Variants in PPP1R12B observed in about 807,000 individuals in gnomAD.
PPP1R12B encodes protein phosphatase 1 regulatory subunit 12B.
Under a neutral mutation model 126.1 loss-of-function variants are expected in PPP1R12B, and 76 were observed. That is an observed-to-expected ratio of 0.60 (90% CI 0.50 to 0.73). PPP1R12B has a LOEUF of 0.73. Ranked by LOEUF, PPP1R12B falls within the 30% of genes least tolerant of loss-of-function variation. PPP1R12B has a pLI of 0.00. For synonymous variants in PPP1R12B, 356 were observed against 434.7 expected (o/e 0.82, Z 2.25); for missense variants, 1,052 against 1,205.1 (o/e 0.87, Z 1.88).
rs1690055438 is a variant in PPP1R12B, at chr1:202,590,274, A to ACCCCG, written c.*9723_*9727dup. 1 of 117,906 alleles carries ACCCCG rather than the reference A, an allele frequency of 8.5e-6. No homozygotes were observed. Among genetic ancestry groups the ACCCCG allele is most frequent in the African/African-American group, 3.2e-5 (1 of 30,854 alleles). 7.3% of individuals were successfully genotyped at this position (117,906 alleles called of 1,614,324 possible). ...ATTCAAGAATATAGTCCCCACCACC[A>ACCCCG]CCCCGCCCCGCCCAGCCTCCCAGAC... is the stretch of plus-strand genomic sequence containing the variant. On this transcript the variant is annotated 3_prime_UTR_variant, in exon 24 of 24. Coordinates refer to ENST00000608999, the MANE Select transcript of PPP1R12B (RefSeq NM_002481.4).
Position 202,451,047 on chromosome 1 carries a change from T to C in PPP1R12B, c.1850+1876T>C, listed in dbSNP as rs554872292. ...TTTAATTTCTTACACCAGTGTTTTATAGTTTTCATTGTAAAGATCTTTTAG... is the reference window on the plus strand; with the variant it reads ...TTTAATTTCTTACACCAGTGTTTTACAGTTTTCATTGTAAAGATCTTTTAG... On this transcript the variant is annotated intron_variant, in intron 13 of 23. Coordinates refer to ENST00000608999, the MANE Select transcript of PPP1R12B (RefSeq NM_002481.4). 3.9e-5 allele frequency among the ~76,000 whole-genome samples: 6 copies of C among 152,234 alleles called. No individual in the cohort carries two copies. In the South Asian group the frequency reaches 8.3e-4, roughly 21 times the overall value.
chr1:202,548,226 T>A (rs1253729305), intron 18 of PPP1R12B, among the ~76,000 whole-genome samples: 1 of 152,208 alleles, frequency 6.6e-6, no homozygotes, highest in Non-Finnish European at 1.5e-5. Context: ...CCTAGATTAT[T>A]ACCAGTATCC....
At chr1:202,371,866 T>C (rs1165828882) in intron 1 of PPP1R12B, among the ~76,000 whole-genome samples, 5 of 143,492 alleles carry the variant, frequency 3.5e-5, no homozygotes, top group Non-Finnish European at 7.6e-5. Context: ...TTCTTTTTTT[T>C]TTTTTTTTTT....
chr1:202,480,170 G>A (rs1677167643), intron 13 of PPP1R12B, among the ~76,000 whole-genome samples: 1 of 152,118 alleles, frequency 6.6e-6, no homozygotes, highest in South Asian at 2.1e-4. Context: ...TTTCACCAGA[G>A]AACTGCAGTC....
intron 1 of PPP1R12B, among the ~76,000 whole-genome samples, chr1:202,414,540 G>A (rs1231921627): frequency 6.6e-6 from 1 of 152,026 alleles, no homozygotes; most frequent in Non-Finnish European, 1.5e-5. Flanking sequence ...GTGAATACTG[G>A]GATGCTGTCA....
Position 202,580,850 on chromosome 1 carries a change from ACC to A in PPP1R12B, c.*293_*294del. The stretch of plus-strand genomic sequence containing the variant: ...GGGAGTACACCAGGCTCAGCTGTGG[ACC>A]CCTCAACTTCCTGCTGCTCAGCTAC... On this transcript the variant is annotated 3_prime_UTR_variant, in exon 24 of 24. Coordinates refer to ENST00000608999, the MANE Select transcript of PPP1R12B (RefSeq NM_002481.4). 3.0e-6 allele frequency: 1 copy of A among 334,452 alleles called. No individual in the cohort carries two copies. The highest frequency in any genetic ancestry group is 5.8e-6 in the Non-Finnish European group (1 of 173,522). The allele number at this position is 334,452 out of a possible 1,614,324, so 20.7% of individuals were successfully genotyped here. A position where few individuals can be genotyped will look rare whatever the true frequency, so the allele number is the denominator to read the frequency against.
chr1:202,429,615 T>G (rs1327947326), intron 6 of PPP1R12B, among the ~76,000 whole-genome samples: 4 of 152,196 alleles, frequency 2.6e-5, no homozygotes, highest in African/African-American at 4.8e-5. Context: ...GAAGAGTGAA[T>G]AAGCCATATT....
chr1:202,551,868 T>C (rs1443379508), intron 18 of PPP1R12B, among the ~76,000 whole-genome samples: 4 of 152,182 alleles, frequency 2.6e-5, no homozygotes, highest in East Asian at 3.9e-4. Flanking sequence ...AAGCAGCCAC[T>C]ACCCTGCAAG....
At chr1:202,541,066 C>T (rs1685075098) in intron 18 of PPP1R12B, among the ~76,000 whole-genome samples, 2 of 152,146 alleles carry the variant, frequency 1.3e-5, no homozygotes, top group African/African-American at 2.4e-5. Flanking sequence ...GGATGAGAAG[C>T]TCTGATGGGC....
At chr1:202,380,476 C>T (rs1451385393) in intron 1 of PPP1R12B, among the ~76,000 whole-genome samples, 1 of 152,136 alleles carries the variant, frequency 6.6e-6, no homozygotes, top group Non-Finnish European at 1.5e-5. Context: ...GAAACAATTT[C>T]TGTGAACATG....
chr1:202,574,614 A>G (rs1439678323), intron 23 of PPP1R12B, among the ~76,000 whole-genome samples: 1 of 152,224 alleles, frequency 6.6e-6, no homozygotes, highest in African/African-American at 2.4e-5. Context: ...CCTCAGCTCT[A>G]ATCTCAGTCA....
chr1:202,364,727 C>A (rs1017774795), intron 1 of PPP1R12B, among the ~76,000 whole-genome samples: 9 of 152,246 alleles, frequency 5.9e-5, no homozygotes, highest in African/African-American at 1.9e-4. Flanking sequence ...CAGGCGCCCG[C>A]CACCATGCTC....
intron 1 of PPP1R12B, among the ~76,000 whole-genome samples, chr1:202,399,685 A>G (rs913239997): frequency 1.3e-4 from 19 of 151,812 alleles, no homozygotes; most frequent in African/African-American, 2.7e-4. Flanking sequence ...TTTAGTAGAG[A>G]TGGGGTTTCA....
At chr1:202,570,453 A>C (rs1688483766) in intron 23 of PPP1R12B, among the ~76,000 whole-genome samples, 1 of 152,196 alleles carries the variant, frequency 6.6e-6, no homozygotes, top group Non-Finnish European at 1.5e-5. Flanking sequence ...CAAGGCTGTA[A>C]CTGTAACATT....
At chr1:202,533,128 C>G (rs1175621699) in intron 18 of PPP1R12B, among the ~76,000 whole-genome samples, 1 of 152,158 alleles carries the variant, frequency 6.6e-6, no homozygotes, top group African/African-American at 2.4e-5. Flanking sequence ...CTCAGCCTCC[C>G]AAAGTGCTGG....
rs1252096907 is a variant in PPP1R12B at position 202,439,000 on chromosome 1, G to A, written c.1458+976G>A. The A allele has an allele frequency of 2.7e-6, 4 of 1,462,800 alleles. No homozygotes were observed. In the Admixed American group the frequency reaches 5.1e-5, roughly 18 times the overall value. The allele number at this position is 1,462,800 out of a possible 1,614,324, so 90.6% of individuals were successfully genotyped here. ...AGGAGCGCATGGCCCTGGCCAACCG[G>A]AAGCAGGAGTGCGGCAGTGCCCACT... On this transcript the variant is annotated intron_variant, in intron 10 of 23. Transcript: ENST00000608999.
At chr1:202,357,614 TA>T (rs1465566135) in intron 1 of PPP1R12B, among the ~76,000 whole-genome samples, 2 of 152,218 alleles carry the variant, frequency 1.3e-5, no homozygotes, top group African/African-American at 4.8e-5. Context: ...AACCTGATAA[TA>T]GGGGCAAGAA....
chr1:202,430,649 G>C, intron 6 of PPP1R12B, 82 bp from the exon 7 acceptor site: 1 of 1,468,110 alleles, frequency 6.8e-7, no homozygotes, highest in Non-Finnish European at 9.4e-7. Context: ...CAGAATGACA[G>C]TACCATTTTG....
chr1:202,580,430 AT>A lies in PPP1R12B; in HGVS notation c.2863-43del, dbSNP rs1433998865. On this transcript the variant is annotated intron_variant, in intron 23 of 23. Coordinates refer to ENST00000608999, the MANE Select transcript of PPP1R12B (RefSeq NM_002481.4). Reference sequence around the variant, plus strand: ...GCCTGGTCAGGGAGGGCCAAGGAGGATCCTGCCAGGCTCTAACTCACCTTTC... The same window carrying A: ...GCCTGGTCAGGGAGGGCCAAGGAGGACCTGCCAGGCTCTAACTCACCTTTC... The A allele has an allele frequency of 3.3e-6, 5 of 1,529,900 alleles. No individual in the cohort carries two copies. The African/African-American group carries it at 6.8e-5, about 21-fold the overall frequency. The allele number at this position is 1,529,900 out of a possible 1,614,324, so 94.8% of individuals were successfully genotyped here. A position where few individuals can be genotyped will look rare whatever the true frequency, so the allele number is the denominator to read the frequency against.
Sources: allele counts gnomAD v4.1 joint callset (sites outside exome capture counted in the v4.1 genomes callset), GRCh38; gene constraint gnomAD v4.1.1; transcripts MANE v1.5; gene names NCBI Gene and HGNC (gene_info 2026-07-23, HGNC 2026-07-21).